ADRA1A: variants seen among roughly 807,000 people sequenced by gnomAD.
ADRA1A encodes the protein alpha-1A adrenergic receptor.
In ADRA1A, 31 loss-of-function variants were observed where a neutral mutation model predicts 29.6. That is an observed-to-expected ratio of 1.05 (90% CI 0.79 to 1.41). The LOEUF (loss-of-function observed/expected upper bound fraction) is 1.41. Among genes scored for constraint, ADRA1A ranks in the 40% most tolerant of loss-of-function variants. The pLI, the probability that ADRA1A is intolerant of heterozygous loss-of-function variation, is 0.00. For synonymous variants in ADRA1A, 311 were observed against 254.3 expected (o/e 1.22, Z -2.12); for missense variants, 619 against 601.1 (o/e 1.03, Z -0.31).
downstream of ADRA1A, among the ~76,000 whole-genome samples, chr8:26,754,977 T>TTTG (rs550583851): frequency 2.0e-4 from 30 of 152,234 alleles, no homozygotes; most frequent in East Asian, 3.5e-3. Context: ...GTTTTTTCTT[T>TTTG]TTGTTGTTGT....
In ADRA1A at chr8:26,769,411, G is replaced by C; in HGVS notation, c.*738C>G. The C allele has an allele frequency of 1.0e-6, 1 of 985,386 alleles. No homozygotes were observed. Among genetic ancestry groups the C allele is most frequent in the Non-Finnish European group, 1.2e-6 (1 of 829,928 alleles). 61.0% of individuals were successfully genotyped at this position (985,386 alleles called of 1,614,324 possible). On this transcript the variant is annotated 3_prime_UTR_variant, in exon 3 of 3. Transcript: ENST00000380573. Reference sequence around the variant, plus strand: ...TGAAAGAATGATGCTCAGGTCTATTGTTTTCTCTTGGGAAAAGCCATACCA... The same window carrying C: ...TGAAAGAATGATGCTCAGGTCTATTCTTTTCTCTTGGGAAAAGCCATACCA...
At chr8:26,809,316 G>T (rs746337313) in intron 2 of ADRA1A, among the ~76,000 whole-genome samples, 2 of 152,058 alleles carry the variant, frequency 1.3e-5, no homozygotes, top group Non-Finnish European at 2.9e-5. Flanking sequence ...GTACTGAAAA[G>T]CCAACAGTTT....
intron 2 of ADRA1A, chr8:26,756,924 A>G: frequency 8.0e-7 from 1 of 1,250,006 alleles, no homozygotes; most frequent in Non-Finnish European, 1.1e-6. Context: ...TTCCAAGTTC[A>G]GACTTCAGTA....
chr8:26,850,045 C>CAA (rs780926887), intron 2 of ADRA1A, among the ~76,000 whole-genome samples: 14 of 123,398 alleles, frequency 1.1e-4, no homozygotes, highest in Admixed American at 2.3e-4. Context: ...AAACAAAAAA[C>CAA]AAAAAAAAAA....
chr8:26,763,488 G>C (rs912294674), downstream of ADRA1A, among the ~76,000 whole-genome samples: 1 of 152,128 alleles, frequency 6.6e-6, no homozygotes, highest in Non-Finnish European at 1.5e-5. This position sits in a 1 kb window ranked among gnomAD's most constrained non-coding sequence, Gnocchi z 4.5. Context: ...CAGCAGTGGG[G>C]GTGGCGGATG....
intron 2 of ADRA1A, chr8:26,748,782 A>G: frequency 2.5e-6 from 1 of 396,996 alleles, no homozygotes; most frequent in Non-Finnish European, 4.9e-6. Flanking sequence ...TTGAAAAACT[A>G]TTGACCTAAT....
Position 26,865,147 on chromosome 8 carries a change from G to A in ADRA1A, c.-178C>T. 2.1e-6 allele frequency: 3 copies of A among 1,441,686 alleles called. No individual in the cohort carries two copies. Among genetic ancestry groups the A allele is most frequent in the South Asian group, 1.4e-5 (1 of 69,260 alleles). The allele number at this position is 1,441,686 out of a possible 1,614,324, so 89.3% of individuals were successfully genotyped here. A position where few individuals can be genotyped will look rare whatever the true frequency, so the allele number is the denominator to read the frequency against. ...TGGGAAACAACCCTGGCCAGCCCTG[G>A]GAACCCTCAGAAGGCCACATGAAGG... On this transcript the variant is annotated 5_prime_UTR_variant, in exon 2 of 3. Transcript: ENST00000380573. This position sits in a 1 kb window ranked among gnomAD's most constrained non-coding sequence, Gnocchi z 7.6.
At chr8:26,826,250 A>C (rs559693155) in intron 2 of ADRA1A, among the ~76,000 whole-genome samples, 1 of 152,246 alleles carries the variant, frequency 6.6e-6, no homozygotes, top group Non-Finnish European at 1.5e-5. Flanking sequence ...TTTCCAGTGG[A>C]TAGTTGGGTG....
intron 2 of ADRA1A, among the ~76,000 whole-genome samples, chr8:26,829,912 T>G (rs984602652): frequency 2.2e-5 from 3 of 134,524 alleles, no homozygotes; most frequent in African/African-American, 8.6e-5. Context: ...GTCAACACAT[T>G]TGGGAAATAG....
At chr8:26,851,976 C>T (rs1020269071) in intron 2 of ADRA1A, among the ~76,000 whole-genome samples, 2 of 152,100 alleles carry the variant, frequency 1.3e-5, no homozygotes, top group Non-Finnish European at 2.9e-5. Context: ...TTATTGATTA[C>T]ATATTAAGTC....
At chr8:26,782,583 G>A (rs745844407) in intron 2 of ADRA1A, among the ~76,000 whole-genome samples, 72 of 152,256 alleles carry the variant, frequency 4.7e-4, no homozygotes, top group Non-Finnish European at 1.6e-4. Flanking sequence ...AGACATCCTT[G>A]CTCTTTTCAA....
Position 26,821,849 on chromosome 8 carries a change from G to T in ADRA1A, c.883+42238C>A, listed in dbSNP as rs1299049209. ...AATGTTATGTAAATAGAGTCATACA[G>T]TATGCAATCATTTTGGGATTGGCTT... On this transcript the variant is annotated intron_variant, in intron 2 of 2. Coordinates refer to ENST00000380573, the MANE Select transcript of ADRA1A (RefSeq NM_000680.4). The surrounding 1 kb of genome is among the most constrained non-coding windows in gnomAD (Gnocchi z 5.6). 2.6e-5 allele frequency among the ~76,000 whole-genome samples: 4 copies of T among 152,196 alleles called. No homozygotes were observed. The highest frequency in any genetic ancestry group is 9.7e-5 in the African/African-American group (4 of 41,434).
intron 2 of ADRA1A, chr8:26,748,792 T>G (rs1421853668): frequency 3.5e-5 from 14 of 398,956 alleles, no homozygotes; most frequent in Non-Finnish European, 5.8e-5. Context: ...ATTGACCTAA[T>G]TTTTCCCACT....
At chr8:26,756,334 A>T (rs61759706), downstream of ADRA1A, 50,781 of 828,986 alleles carry the variant, frequency 0.061, 1,683 homozygotes, top group Middle Eastern at 0.081. Context: ...TTAACCCATA[A>T]AAGTTCCCCT....
rs1250383956 is a variant in ADRA1A, at chr8:26,864,737, G to A, written c.233C>T (p.Thr78Met). ...GAAGATGGCGGAGAAGGGCAGCACC[G>A]TGGAGGTGAGCAGGAGGTCGGCCAC... is the stretch of plus-strand genomic sequence containing the variant. The part of the protein sequence containing the change: ...LAVADLLLTS[T>M]VLPFSAIFEV... Residue 78 changes from threonine (T) to methionine (M), a missense_variant, in exon 2 of 3, where the codon ACG (threonine) becomes ATG (methionine). Coordinates refer to ENST00000380573, the MANE Select transcript of ADRA1A (RefSeq NM_000680.4). The surrounding 1 kb of genome is among the most constrained non-coding windows in gnomAD (Gnocchi z 8.1). 3.1e-6 allele frequency: 5 copies of A among 1,614,082 alleles called. No individual in the cohort carries two copies. The highest frequency in any genetic ancestry group is 2.2e-5 in the East Asian group (1 of 44,894).
At chr8:26,766,183 G>C (rs1414136826), downstream of ADRA1A, 1 of 1,285,138 alleles carries the variant, frequency 7.8e-7, no homozygotes, top group African/African-American at 1.5e-5. Flanking sequence ...GAATACAGGT[G>C]AGTGAGAGTG....
intron 2 of ADRA1A, among the ~76,000 whole-genome samples, chr8:26,846,538 G>T (rs1460826620): frequency 1.3e-5 from 2 of 152,196 alleles, no homozygotes; most frequent in Non-Finnish European, 2.9e-5. Flanking sequence ...GGAGGCCGAG[G>T]TGGGTGGATC....
rs770240835 is a variant in ADRA1A, at chr8:26,775,154, C to G, written c.884-4488G>C. ...AAAATGCTAGAGTCTTGAAGGCATT[C>G]TCCTAGTTTTTGCTGCATGAATGGC... On this transcript the variant is annotated intron_variant, in intron 2 of 2. Transcript: ENST00000380573. This position sits in a 1 kb window ranked among gnomAD's most constrained non-coding sequence, Gnocchi z 4.1. Among the ~76,000 whole-genome samples the G allele has an allele frequency of 7.9e-5, 12 of 152,156 alleles. No individual in the cohort carries two copies. The highest frequency in any genetic ancestry group is 1.2e-4 in the Non-Finnish European group (8 of 68,028).
intron 2 of ADRA1A, among the ~76,000 whole-genome samples, chr8:26,856,399 T>G (rs976676596): frequency 3.9e-5 from 6 of 152,220 alleles, no homozygotes; most frequent in Admixed American, 6.5e-5. Flanking sequence ...CTGTATAAAC[T>G]CTATCATGTC....
Sources: gnomAD v4.1 joint callset for allele counts (sites outside exome capture counted in the v4.1 genomes callset) on GRCh38, gnomAD v4.1.1 for gene constraint, Gnocchi (gnomAD v3.1) non-coding constraint, MANE v1.5 for transcripts, NCBI Gene and HGNC (gene_info 2026-07-23, HGNC 2026-07-21) for gene names.